Variants in SI observed in about 807,000 individuals in gnomAD.
The protein encoded by SI is sucrase-isomaltase, intestinal.
In SI, 235 loss-of-function variants were observed where a neutral mutation model predicts 253.3. The ratio of observed to expected loss-of-function variants is 0.93; its 90% CI spans 0.83 to 1.03. SI has a LOEUF of 1.03. SI is among the 50% of genes least tolerant of loss of function. The pLI is 0.00. For synonymous variants in SI, 819 were observed against 712.0 expected (o/e 1.15, Z -2.39); for missense variants, 2,442 against 2,211.1 (o/e 1.10, Z -2.09).
intron 16 of SI, among the ~76,000 whole-genome samples, chr3:165,045,921 C>T (rs1306584223): frequency 2.0e-5 from 3 of 150,650 alleles, no homozygotes; most frequent in African/African-American, 7.3e-5. Context: ...GCAACCTCCA[C>T]CTCCCAGGTT....
chr3:165,057,333 C>T (rs1223084410), intron 12 of SI, among the ~76,000 whole-genome samples: 2 of 151,376 alleles, frequency 1.3e-5, no homozygotes, highest in African/African-American at 2.4e-5. Context: ...AGCATGGCTA[C>T]AAGATGTAGA....
intron 9 of SI, among the ~76,000 whole-genome samples, chr3:165,061,934 G>T (rs1018737465): frequency 1.6e-4 from 25 of 152,028 alleles, no homozygotes; most frequent in African/African-American, 4.6e-4. Flanking sequence ...TACCTGCTGT[G>T]AATTTATGGC....
chr3:164,994,059 C>A (rs1350789382), intron 41 of SI, among the ~76,000 whole-genome samples, 198 bp downstream of exon 41: 1 of 151,622 alleles, frequency 6.6e-6, no homozygotes, highest in Non-Finnish European at 1.5e-5. Context: ...TAATGTGGTT[C>A]ATTCTTTAAT....
chr3:165,021,346 A>G lies in SI; in HGVS notation c.3137T>C (p.Val1046Ala). The G allele has an allele frequency of 6.2e-7, 1 of 1,610,840 alleles. No homozygotes were observed. The stretch of plus-strand genomic sequence containing the variant: ...TGGGGTGGTTGGAATGTTTAACGGT[A>G]CTGGTACTTCATATCTCTTCTTTTG... ...DPQKKRYEVP[V>A]PLNIPTTPIS... is the part of the protein sequence containing the mutation. The change falls in exon 27 of 48, where the codon GTA becomes GCA. Residue 1046 changes from valine to alanine, a missense_variant. Transcript: ENST00000264382.
At chr3:165,017,217 A>C (rs1414356880) in intron 31 of SI, among the ~76,000 whole-genome samples, 1 of 151,924 alleles carries the variant, frequency 6.6e-6, no homozygotes, top group East Asian at 1.9e-4. Context: ...TTGATGATAC[A>C]TATTTCTGTG....
At chr3:164,990,878 C>T (rs1231509657) in intron 44 of SI, among the ~76,000 whole-genome samples, 1 of 150,422 alleles carries the variant, frequency 6.6e-6, no homozygotes, top group Non-Finnish European at 1.5e-5. Flanking sequence ...TGCACATGTA[C>T]CCTAAAACTT....
Position 164,994,328 on chromosome 3 carries a change from C to T in SI, c.4770G>A (p.Leu1590=). The T allele has an allele frequency of 1.9e-6, 3 of 1,610,880 alleles. No individual in the cohort carries two copies. The highest frequency in any genetic ancestry group is 1.1e-5 in the South Asian group (1 of 91,028). ...CATGCATTTGTGTGTAAAAATAGGG[C>T]AATAAGGTGTATCTAATATTTAGAA... ...RNILNIRYTL[L]PYFYTQMHEI... The change falls in exon 41 of 48, where the codon TTG becomes TTA. Residue 1590 remains leucine, a synonymous_variant. Transcript: ENST00000264382.
intron 3 of SI, among the ~76,000 whole-genome samples, chr3:165,074,180 C>T (rs1250009095): frequency 6.6e-6 from 1 of 151,998 alleles, no homozygotes; most frequent in Non-Finnish European, 1.5e-5. Context: ...TACAAATACT[C>T]TACTGGAACA....
rs1422477424 is a variant in SI at position 165,046,983 on chromosome 3, C to T, written c.1745G>A (p.Arg582Lys). 2 of 1,609,674 alleles carry T rather than the reference C, an allele frequency of 1.2e-6. No homozygotes were observed. Among genetic ancestry groups the T allele is most frequent in the African/African-American group, 1.3e-5 (1 of 74,746 alleles). Residue 582 changes from arginine to lysine, a missense_variant, in exon 16 of 48, where the codon AGA (arginine) becomes AAA (lysine). By Grantham distance (26) the Arg-to-Lys change is conservative (BLOSUM62 2). Transcript: ENST00000264382. Reference protein sequence around the residue: ...QAVQKVFPNKRSFILTRSTFA... With the variant: ...QAVQKVFPNKKSFILTRSTFA... ...TGTTGAGCGGGTAAGAATGAAGCTT[C>T]TCTTATTAGGAAAAACTTTTTGTAC...
intron 27 of SI, among the ~76,000 whole-genome samples, chr3:165,020,569 A>G (rs563535273): frequency 6.6e-6 from 1 of 151,818 alleles, no homozygotes; most frequent in South Asian, 2.1e-4. Flanking sequence ...TAACAACAAA[A>G]TTATTAAAAT....
At chr3:164,986,384 G>A (rs1006317752) in intron 45 of SI, among the ~76,000 whole-genome samples, 21 of 152,156 alleles carry the variant, frequency 1.4e-4, no homozygotes, top group African/African-American at 4.1e-4. Flanking sequence ...AGCTGGCCAT[G>A]AAGAAGTTAA....
chr3:165,061,794 G>C (rs575999588), intron 9 of SI, among the ~76,000 whole-genome samples: 2 of 151,906 alleles, frequency 1.3e-5, no homozygotes, highest in East Asian at 3.9e-4. Flanking sequence ...ATTGGGCTCA[G>C]GTATACAAGA....
At chr3:165,035,076 A>T (rs1712463814) in intron 22 of SI, among the ~76,000 whole-genome samples, 1 of 152,008 alleles carries the variant, frequency 6.6e-6, no homozygotes, top group South Asian at 2.1e-4. Flanking sequence ...AGTTACCATC[A>T]ACTGACAAAG....
At position 164,982,229 on chromosome 3, in the gene SI, C is replaced by G; in HGVS notation, c.5415+14G>C. The G allele has an allele frequency of 6.2e-7, 1 of 1,604,304 alleles. No individual in the cohort carries two copies. The highest frequency in any genetic ancestry group is 8.5e-7 in the Non-Finnish European group (1 of 1,172,406). The stretch of plus-strand genomic sequence containing the variant: ...TACGTACGCTTTTGAAAAATATTTT[C>G]TTACATTACTTACCATGTTGGTAGT... On this transcript the variant is annotated intron_variant, in intron 47 of 47. Transcript: ENST00000264382.
chr3:164,983,522 A>G (rs748878441), intron 45 of SI, among the ~76,000 whole-genome samples: 2 of 152,196 alleles, frequency 1.3e-5, no homozygotes, highest in Non-Finnish European at 2.9e-5. Flanking sequence ...AGATTGTTGC[A>G]GGTCAACTAA....
chr3:165,013,570 T>C (rs1718873688), intron 33 of SI, among the ~76,000 whole-genome samples: 1 of 152,074 alleles, frequency 6.6e-6, no homozygotes, highest in Non-Finnish European at 1.5e-5. Context: ...CCTACCAACA[T>C]TTTTTTCCTT....
intron 5 of SI, among the ~76,000 whole-genome samples, chr3:165,068,134 A>T (rs1191239044): frequency 4.6e-5 from 7 of 151,882 alleles, no homozygotes; most frequent in Admixed American, 4.6e-4. Flanking sequence ...TTGCATGTAT[A>T]CGACACTAAC....
intron 38 of SI, among the ~76,000 whole-genome samples, chr3:164,997,189 C>G (rs1718049345): frequency 6.6e-6 from 1 of 151,648 alleles, no homozygotes; most frequent in African/African-American, 2.4e-5. Context: ...CTGAACCATT[C>G]TTATTAAACA....
At chr3:165,042,908 T>C (rs1712918162) in intron 17 of SI, 151 bp downstream of exon 17, 2 of 636,010 alleles carry the variant, frequency 3.1e-6, no homozygotes, top group African/African-American at 1.9e-5. Flanking sequence ...ATACAAAATA[T>C]GTATAGGACT....
Sources: allele counts gnomAD v4.1 joint callset (sites outside exome capture counted in the v4.1 genomes callset), GRCh38; gene constraint gnomAD v4.1.1; transcripts MANE v1.5; gene names NCBI Gene and HGNC (gene_info 2026-07-23, HGNC 2026-07-21).